The following GPATCH8 variants were observed in gnomAD, a reference collection of about 807,000 sequenced individuals.
GPATCH8 encodes G patch domain-containing protein 8.
Under a neutral mutation model 118.3 loss-of-function variants are expected in GPATCH8, and 18 were observed. That is an observed-to-expected ratio of 0.15 (90% CI 0.11 to 0.23). The LOEUF (loss-of-function observed/expected upper bound fraction) is 0.23, where lower values mean the gene tolerates loss of function less well. Among genes scored for constraint, GPATCH8 ranks in the 10% least tolerant of loss-of-function variants. The probability of loss-of-function intolerance (pLI) is 1.00; values close to 1 mark genes in which losing one functional copy is unlikely to be tolerated. For missense variants in GPATCH8, 1,631 were observed against 1,873.8 expected, an observed-to-expected ratio of 0.87 and a Z score of 2.39; for synonymous variants, 659 against 684.7, an observed-to-expected ratio of 0.96 and a Z score of 0.59.
rs2048972098 is a variant in GPATCH8 at position 44,400,414 on chromosome 17, G to A, written c.1663C>T (p.Leu555=). ...GGTTCTGCCTTGGTGAAAATTAATA[G>A]TTCTGATGGCCACTGGAGGGCAGTG... ...ESTALQWPSE[L]LIFTKAEPSI... Residue 555 remains leucine (L), a synonymous_variant, in exon 8 of 8, where the codon CTA becomes TTA. Coordinates refer to ENST00000591680, the MANE Select transcript of GPATCH8 (RefSeq NM_001002909.4). 2 of 1,613,820 alleles carry A rather than the reference G, an allele frequency of 1.2e-6. No individual in the cohort carries two copies. Among genetic ancestry groups the A allele is most frequent in the Non-Finnish European group, 1.7e-6 (2 of 1,179,786 alleles).
rs188826128 is a variant in GPATCH8 at position 44,482,479 on chromosome 17, C to G, written c.46-7576G>C. Among the ~76,000 whole-genome samples the G allele has an allele frequency of 2.7e-5, 4 of 148,952 alleles. No homozygotes were observed. In the East Asian group the frequency reaches 6.1e-4, roughly 23 times the overall value. On this transcript the variant is annotated intron_variant, in intron 1 of 7. Coordinates refer to ENST00000591680, the MANE Select transcript of GPATCH8 (RefSeq NM_001002909.4). Reference sequence around the variant, plus strand: ...ATCTCAGCTACTCAGAAGGTTGAGGCAGGAGAATCGCTTGAATGCAGGAGG... The same window carrying G: ...ATCTCAGCTACTCAGAAGGTTGAGGGAGGAGAATCGCTTGAATGCAGGAGG...
intron 1 of GPATCH8, among the ~76,000 whole-genome samples, chr17:44,496,338 C>A (rs184591157): frequency 2.4e-3 from 365 of 152,276 alleles, no homozygotes; most frequent in African/African-American, 8.7e-3. Flanking sequence ...CCAACAATGT[C>A]ATTATTAAAA....
chr17:44,403,715 T>A (rs7223523), intron 7 of GPATCH8, among the ~76,000 whole-genome samples: 1 of 151,102 alleles, frequency 6.6e-6, no homozygotes, highest in Non-Finnish European at 1.5e-5. Context: ...TCTCCCAAGC[T>A]GGAGTTTTGC....
intron 6 of GPATCH8, among the ~76,000 whole-genome samples, chr17:44,410,378 A>G (rs2049387175): frequency 6.6e-6 from 1 of 152,214 alleles, no homozygotes; most frequent in Non-Finnish European, 1.5e-5. Flanking sequence ...CAGATATGTC[A>G]TCAATCTCTT....
At chr17:44,501,810 C>T (rs1970088956) in intron 1 of GPATCH8, among the ~76,000 whole-genome samples, 1 of 152,122 alleles carries the variant, frequency 6.6e-6, no homozygotes, top group African/African-American at 2.4e-5. Flanking sequence ...TTATTCTCTC[C>T]TCTGAAAAGC....
intron 3 of GPATCH8, among the ~76,000 whole-genome samples, chr17:44,464,120 T>C (rs2051668075): frequency 6.6e-6 from 1 of 152,146 alleles, no homozygotes; most frequent in South Asian, 2.1e-4. Context: ...GAAGCCAGAA[T>C]ACATTACTAA....
At chr17:44,437,691 C>G (rs2050558053) in intron 3 of GPATCH8, among the ~76,000 whole-genome samples, 1 of 151,922 alleles carries the variant, frequency 6.6e-6, no homozygotes, top group Non-Finnish European at 1.5e-5. Flanking sequence ...ATGCCATGAT[C>G]ATGACTGGTT....
At chr17:44,432,553 C>T (rs556377963) in intron 5 of GPATCH8, among the ~76,000 whole-genome samples, 10 of 152,088 alleles carry the variant, frequency 6.6e-5, no homozygotes, top group East Asian at 1.9e-4. Context: ...TTTGTACTAA[C>T]GGGACAGGCT....
intron 3 of GPATCH8, among the ~76,000 whole-genome samples, chr17:44,447,161 A>ATT (rs555723475): frequency 2.2e-5 from 3 of 137,436 alleles, no homozygotes; most frequent in African/African-American, 8.1e-5. Context: ...ATAAAAAAAA[A>ATT]TTTTTTTTTT....
In GPATCH8 at chr17:44,442,108, C is replaced by CATAT. The variant is rs36110298; in HGVS notation, c.194-5567_194-5564dup. 4.8e-4 allele frequency among the ~76,000 whole-genome samples: 65 copies of CATAT among 136,572 alleles called. No individual in the cohort carries two copies. In the East Asian group the frequency reaches 5.4e-3, roughly 11 times the overall value. 89.6% of individuals were successfully genotyped at this position (136,572 alleles called of 152,430 possible). A position where few individuals can be genotyped will look rare whatever the true frequency, so the allele number is the denominator to read the frequency against. On this transcript the variant is annotated intron_variant, in intron 3 of 7. Coordinates refer to ENST00000591680, the MANE Select transcript of GPATCH8 (RefSeq NM_001002909.4). ...GTGTATATGTATACGTATATATATA[C>CATAT]ATATATATATATATAGAGAGAGAGA...
intron 1 of GPATCH8, chr17:44,486,381 G>A (rs183423124): frequency 6.6e-6 from 1 of 152,198 alleles, no homozygotes; most frequent in East Asian, 1.9e-4. Flanking sequence ...GTCTTTTAAA[G>A]GTGATTTGCA....
Position 44,503,362 on chromosome 17 carries a change from G to A in GPATCH8, c.9C>T (p.Asp3=), listed in dbSNP as rs1970238949. ...GGTCTTCGTTGAAGCGGGAGAAGCG[G>A]TCCGCCATTTTGCCGCCTTCACTCC... MA[D]RFSRFNEDRD... is the part of the protein sequence containing the mutation. The change falls in exon 1 of 8, where the codon GAC becomes GAT. Residue 3 remains aspartate, a synonymous_variant. Coordinates refer to ENST00000591680, the MANE Select transcript of GPATCH8 (RefSeq NM_001002909.4). 2.5e-6 allele frequency: 4 copies of A among 1,609,802 alleles called. No individual in the cohort carries two copies. The highest frequency in any genetic ancestry group is 3.4e-6 in the Non-Finnish European group (4 of 1,178,352).
chr17:44,401,197 G>A lies in GPATCH8; in HGVS notation c.880C>T (p.Pro294Ser). Residue 294 changes from proline to serine, a missense_variant, in exon 8 of 8, where the codon CCA becomes TCA. Physicochemically the swap from Pro to Ser is moderately conservative, Grantham distance 74. Coordinates refer to ENST00000591680, the MANE Select transcript of GPATCH8 (RefSeq NM_001002909.4). ...SFGIKNNLGT[P>S]LQKLGVSFSF... ...AATGACACTCCCAATTTTTGCAATG[G>A]GGTCCCCAGATTATTCTTAATGCCA... is the stretch of plus-strand genomic sequence containing the variant. 1 of 1,614,130 alleles carries A rather than the reference G, an allele frequency of 6.2e-7. No individual in the cohort carries two copies. Among genetic ancestry groups the A allele is most frequent in the Non-Finnish European group, 8.5e-7 (1 of 1,179,994 alleles).
At chr17:44,468,966 T>C (rs1466852897) in intron 2 of GPATCH8, among the ~76,000 whole-genome samples, 1 of 152,170 alleles carries the variant, frequency 6.6e-6, no homozygotes, top group African/African-American at 2.4e-5. Context: ...GACCCCAAAA[T>C]GGTGGCTGTG....
intron 2 of GPATCH8, chr17:44,473,902 A>C (rs2144373932): frequency 6.6e-6 from 1 of 152,350 alleles, no homozygotes; most frequent in South Asian, 2.1e-4. Context: ...TTGAAAATAA[A>C]AGCTAAAGTT....
At chr17:44,445,001 A>C (rs2050827104) in intron 3 of GPATCH8, among the ~76,000 whole-genome samples, 2 of 152,200 alleles carry the variant, frequency 1.3e-5, no homozygotes, top group Non-Finnish European at 2.9e-5. Flanking sequence ...TAACTCTCAT[A>C]ATCAAGGAAT....
intron 3 of GPATCH8, among the ~76,000 whole-genome samples, chr17:44,451,674 T>C (rs2051115685): frequency 6.6e-6 from 1 of 152,190 alleles, no homozygotes; most frequent in African/African-American, 2.4e-5. Context: ...TCCCTAAATA[T>C]TTGGCAAAAG....
chr17:44,495,434 T>C (rs1969593838), intron 1 of GPATCH8, among the ~76,000 whole-genome samples: 1 of 152,188 alleles, frequency 6.6e-6, no homozygotes, highest in African/African-American at 2.4e-5. Context: ...GTTTTTCTGA[T>C]AATCATGCTG....
chr17:44,435,027 A>C, intron 5 of GPATCH8, 38 bp downstream of exon 5: 1 of 861,058 alleles, frequency 1.2e-6, no homozygotes, highest in East Asian at 2.4e-5. Context: ...TTCAGTGAGC[A>C]CCTCCCCATC....
Sources: allele counts gnomAD v4.1 joint callset (sites outside exome capture counted in the v4.1 genomes callset), GRCh38; gene constraint gnomAD v4.1.1; transcripts MANE v1.5; gene names NCBI Gene and HGNC (gene_info 2026-07-23, HGNC 2026-07-21).